GPC5: variants seen among roughly 807,000 people sequenced by gnomAD.
GPC5 encodes the protein glypican 5.
Under a neutral mutation model 53.9 loss-of-function variants are expected in GPC5, and 47 were observed. The observed-to-expected ratio is 0.87, with a 90% CI of 0.69 to 1.11. GPC5 has a LOEUF of 1.11. GPC5 is among the 50% of genes most tolerant of loss of function. The pLI, the probability that GPC5 is intolerant of heterozygous loss-of-function variation, is 0.00. For synonymous variants in GPC5, 286 were observed against 263.3 expected (o/e 1.09, Z -0.84); for missense variants, 748 against 713.1 (o/e 1.05, Z -0.56).
intron 2 of GPC5, among the ~76,000 whole-genome samples, chr13:91,649,047 C>G (rs181862083): frequency 3.2e-4 from 48 of 152,272 alleles, no homozygotes; most frequent in Non-Finnish European, 6.2e-4. Context: ...TGAGTGAGTT[C>G]TCATGAGATT....
At chr13:91,822,891 A>G (rs116073090) in intron 5 of GPC5, among the ~76,000 whole-genome samples, 6,719 of 152,168 alleles carry the variant, frequency 0.044, 176 homozygotes, top group Middle Eastern at 0.068. Flanking sequence ...TAAAGTTTTG[A>G]AAACTTCATG....
intron 5 of GPC5, among the ~76,000 whole-genome samples, chr13:91,801,741 G>A (rs997171854): frequency 3.9e-5 from 6 of 152,108 alleles, no homozygotes; most frequent in Non-Finnish European, 1.5e-5. Context: ...GAATATTATT[G>A]TTATCACTAT....
At chr13:91,697,187 G>A (rs1451422100) in intron 3 of GPC5, among the ~76,000 whole-genome samples, 4 of 152,098 alleles carry the variant, frequency 2.6e-5, no homozygotes, top group Non-Finnish European at 5.9e-5. Flanking sequence ...TCTGTCACCA[G>A]GCTGGAGTGC....
At chr13:92,381,087 A>G (rs546693733) in intron 7 of GPC5, among the ~76,000 whole-genome samples, 26 of 152,282 alleles carry the variant, frequency 1.7e-4, no homozygotes, top group African/African-American at 6.0e-4. Flanking sequence ...ATAATTAAAT[A>G]TTTTAATGTG....
chr13:92,308,148 A>G (rs11617839), intron 7 of GPC5, among the ~76,000 whole-genome samples: 4,671 of 152,258 alleles, frequency 0.031, 110 homozygotes, highest in Non-Finnish European at 0.044. Flanking sequence ...GTGATTTTCT[A>G]TTACTACTTT....
At chr13:92,297,820 T>G (rs2043047895) in intron 7 of GPC5, among the ~76,000 whole-genome samples, 1 of 152,130 alleles carries the variant, frequency 6.6e-6, no homozygotes, top group African/African-American at 2.4e-5. Context: ...AGCTTTGTTC[T>G]TTTGCTCTTG....
intron 7 of GPC5, among the ~76,000 whole-genome samples, chr13:92,534,678 A>G (rs543255134): frequency 6.6e-6 from 1 of 152,266 alleles, no homozygotes; most frequent in African/African-American, 2.4e-5. Flanking sequence ...ATTGTGTGAT[A>G]TTTTCTCTTC....
chr13:91,420,842 T>C (rs1469914590), intron 1 of GPC5, among the ~76,000 whole-genome samples: 1 of 152,226 alleles, frequency 6.6e-6, no homozygotes, highest in Non-Finnish European at 1.5e-5. Context: ...CCTTCTGCCA[T>C]GATTGTAAGT....
chr13:91,516,580 A>G (rs1885510961), intron 2 of GPC5, among the ~76,000 whole-genome samples: 1 of 152,046 alleles, frequency 6.6e-6, no homozygotes, highest in African/African-American at 2.4e-5. Context: ...TGGGTTTTCC[A>G]GGTGCAAGTT....
At chr13:91,992,199 T>A (rs540465464) in intron 6 of GPC5, among the ~76,000 whole-genome samples, 1 of 152,156 alleles carries the variant, frequency 6.6e-6, no homozygotes, top group South Asian at 2.1e-4. Context: ...TCCTGGCTAA[T>A]TTTTTGAAAC....
chr13:92,596,764 G>T (rs974995541), intron 7 of GPC5, among the ~76,000 whole-genome samples: 1 of 152,106 alleles, frequency 6.6e-6, no homozygotes, highest in Non-Finnish European at 1.5e-5. Context: ...CAGCCACCGC[G>T]CCAGGTTGTA....
intron 3 of GPC5, chr13:91,725,134 T>TA: frequency 6.6e-6 from 1 of 152,144 alleles, no homozygotes; most frequent in Non-Finnish European, 1.5e-5. Flanking sequence ...GTGGAAGTGA[T>TA]ATGGGCTAGG....
chr13:92,232,993 T>G (rs936019438), intron 7 of GPC5, among the ~76,000 whole-genome samples: 7 of 152,146 alleles, frequency 4.6e-5, no homozygotes, highest in Non-Finnish European at 8.8e-5. Context: ...AATCGAGCAT[T>G]TCTATCATAT....
At chr13:92,600,718 GC>G (rs1242368575) in intron 7 of GPC5, among the ~76,000 whole-genome samples, 2 of 149,930 alleles carry the variant, frequency 1.3e-5, no homozygotes, top group Non-Finnish European at 3.0e-5. Flanking sequence ...TGTTAGCCAG[GC>G]GAGTCTCAAA....
intron 7 of GPC5, among the ~76,000 whole-genome samples, chr13:92,259,124 A>T (rs1390201139): frequency 2.0e-5 from 3 of 152,196 alleles, no homozygotes; most frequent in African/African-American, 7.2e-5. Context: ...AACATATGAC[A>T]TTACTATCTT....
chr13:91,480,420 G>A (rs945183870), intron 2 of GPC5, among the ~76,000 whole-genome samples: 1 of 152,202 alleles, frequency 6.6e-6, no homozygotes, highest in Non-Finnish European at 1.5e-5. Context: ...AGAGCGATGA[G>A]TGGTGAGAGG....
chr13:92,029,080 A>T, intron 6 of GPC5, among the ~76,000 whole-genome samples: 1 of 152,170 alleles, frequency 6.6e-6, no homozygotes, highest in East Asian at 1.9e-4. Context: ...TATGACCTGG[A>T]AATCTATATA....
chr13:92,321,417 C>A (rs916485935), intron 7 of GPC5, among the ~76,000 whole-genome samples: 2 of 152,146 alleles, frequency 1.3e-5, no homozygotes, highest in African/African-American at 4.8e-5. Context: ...CATCGTGAAA[C>A]CCTGTCTGTA....
At chr13:92,102,530 A>C (rs6492584) in intron 6 of GPC5, among the ~76,000 whole-genome samples, 72,536 of 151,910 alleles carry the variant, frequency 0.48, 18,426 homozygotes, top group East Asian at 0.79. Flanking sequence ...GTTTCTCCTA[A>C]GATATAAGCC....
Sources: gnomAD v4.1 joint callset for allele counts (sites outside exome capture counted in the v4.1 genomes callset) on GRCh38, gnomAD v4.1.1 for gene constraint, MANE v1.5 for transcripts, NCBI Gene and HGNC (gene_info 2026-07-23, HGNC 2026-07-21) for gene names.